Variants in CDH7 observed in about 807,000 individuals in gnomAD.
The protein encoded by CDH7 is cadherin 7, also known as cadherin-7.
CDH7 carries 25 observed loss-of-function variants against 71.8 expected under a neutral mutation model. That is an observed-to-expected ratio of 0.35 (90% CI 0.25 to 0.49). CDH7 has a LOEUF of 0.49. Ranked by LOEUF, CDH7 falls within the 20% of genes least tolerant of loss-of-function variation. The probability of loss-of-function intolerance (pLI) is 0.99; values close to 1 mark genes in which losing one functional copy is unlikely to be tolerated. For synonymous variants in CDH7, 381 were observed against 363.8 expected (o/e 1.05, Z -0.54); for missense variants, 862 against 974.6 (o/e 0.88, Z 1.54).
Position 65,764,587 on chromosome 18 carries a change from A to G in CDH7, c.210+1535A>G, listed in dbSNP as rs148236729. 2.9e-3 allele frequency among the ~76,000 whole-genome samples: 438 copies of G among 152,140 alleles called. 2 individuals are homozygous for G. The highest frequency in any genetic ancestry group is 4.5e-3 in the Non-Finnish European group (307 of 67,912). On this transcript the variant is annotated intron_variant, in intron 2 of 11. Coordinates refer to ENST00000397968, the MANE Select transcript of CDH7 (RefSeq NM_004361.5). ...GATTAGGAAACTAGCTCTTAATTTC[A>G]TTCATTTTTAATGGACATTTAACAA...
chr18:65,751,416 T>C (rs1915872321), intron 1 of CDH7, among the ~76,000 whole-genome samples: 1 of 151,950 alleles, frequency 6.6e-6, no homozygotes, highest in Non-Finnish European at 1.5e-5. Flanking sequence ...GGAGTAGTAG[T>C]TGAGGGTAAG....
At position 65,781,942 on chromosome 18, in the gene CDH7, C is replaced by CTT. The variant is rs1158753987; in HGVS notation, c.210+18891_210+18892insTT. On this transcript the variant is annotated intron_variant, in intron 2 of 11. Transcript: ENST00000397968. ...TCTCTTTCTCTCTCTCTCTCTCTCT[C>CTT]TCTTTCTCTCTTTCTCTCTTTCTCT... Among the ~76,000 whole-genome samples, 30 of 96,112 alleles carry CTT rather than the reference C, an allele frequency of 3.1e-4. 4 individuals carry two copies. Among genetic ancestry groups the CTT allele is most frequent in the African/African-American group, 2.0e-3 (29 of 14,638 alleles). The allele number at this position is 96,112 out of a possible 152,430, so 63.1% of individuals were successfully genotyped here.
rs1378021507 is a variant in CDH7, at chr18:65,889,317, A to G, written c.*8423A>G. 1.3e-5 allele frequency: 2 copies of G among 152,246 alleles called. No homozygotes were observed. The allele number at this position is 152,246 out of a possible 1,614,324, so 9.4% of individuals were successfully genotyped here. The stretch of plus-strand genomic sequence containing the variant: ...TAAATCTTATGAAGCTAAACTGTCA[A>G]CAAACAGTTCCACTGAAGTTGCCAT... On this transcript the variant is annotated 3_prime_UTR_variant, in exon 12 of 12. Coordinates refer to ENST00000397968, the MANE Select transcript of CDH7 (RefSeq NM_004361.5).
upstream of CDH7, chr18:65,750,768 G>T (rs1036602126): frequency 8.5e-5 from 13 of 152,728 alleles, no homozygotes; most frequent in African/African-American, 2.9e-4. Context: ...CCCCGGCTCC[G>T]GCGCGCTCTC....
intron 2 of CDH7, among the ~76,000 whole-genome samples, chr18:65,785,561 A>G (rs1392790695): frequency 6.6e-6 from 1 of 151,994 alleles, no homozygotes; most frequent in Non-Finnish European, 1.5e-5. Context: ...TGCAGTAGAT[A>G]TTACTTATAT....
intron 2 of CDH7, among the ~76,000 whole-genome samples, chr18:65,788,524 G>T (rs1344821989): frequency 6.6e-6 from 1 of 152,232 alleles, no homozygotes; most frequent in South Asian, 2.1e-4. Flanking sequence ...TGTGTAGCGC[G>T]AGCAGGTATG....
Position 65,862,654 on chromosome 18 carries a change from T to C in CDH7, c.1613-12T>C. On this transcript the variant is annotated splice_polypyrimidine_tract_variant and intron_variant, in intron 10 of 11. Coordinates refer to ENST00000397968, the MANE Select transcript of CDH7 (RefSeq NM_004361.5). Reference sequence around the variant, plus strand: ...GAAATCTGGTGTTATACATTTGCTTTCGTTATCCTAGACAACACAGCCTCA... The same window carrying C: ...GAAATCTGGTGTTATACATTTGCTTCCGTTATCCTAGACAACACAGCCTCA... 6.2e-7 allele frequency: 1 copy of C among 1,611,716 alleles called. No individual in the cohort carries two copies. The highest frequency in any genetic ancestry group is 8.5e-7 in the Non-Finnish European group (1 of 1,178,216).
At chr18:65,781,038 A>G (rs939259682) in intron 2 of CDH7, among the ~76,000 whole-genome samples, 6 of 151,688 alleles carry the variant, frequency 4.0e-5, no homozygotes, top group Non-Finnish European at 4.4e-5. Context: ...TTCTTCATCA[A>G]TACTCTTCGG....
intron 2 of CDH7, among the ~76,000 whole-genome samples, chr18:65,765,225 T>C (rs1299281542): frequency 6.6e-6 from 1 of 152,030 alleles, no homozygotes. Context: ...TAATTTGAGA[T>C]GGAAGGAGAA....
intron 3 of CDH7, among the ~76,000 whole-genome samples, chr18:65,814,183 T>C (rs1465030549): frequency 1.3e-5 from 2 of 152,100 alleles, no homozygotes; most frequent in African/African-American, 4.8e-5. Flanking sequence ...ATGAGACACC[T>C]AAAGTTTCAG....
Position 65,880,853 on chromosome 18 carries a change from G to A in CDH7, c.2317G>A (p.Ala773Thr). The change falls in exon 12 of 12, where the codon GCG becomes ACG. Residue 773 changes from alanine to threonine, a missense_variant. By Grantham distance (58) the Ala-to-Thr change is moderately conservative. Coordinates refer to ENST00000397968, the MANE Select transcript of CDH7 (RefSeq NM_004361.5). The stretch of plus-strand genomic sequence containing the variant: ...CTGGGGACCTCGCTTTAAACGACTC[G>A]CGGACATGTATGGGACTGGCCAAGA... Reference protein sequence around the residue: ...SDWGPRFKRLADMYGTGQESL... With the variant: ...SDWGPRFKRLTDMYGTGQESL... 5 of 1,613,922 alleles carry A rather than the reference G, an allele frequency of 3.1e-6. No homozygotes were observed. Among genetic ancestry groups the A allele is most frequent in the Non-Finnish European group, 4.2e-6 (5 of 1,179,976 alleles).
At chr18:65,795,973 A>G (rs569482646) in intron 2 of CDH7, among the ~76,000 whole-genome samples, 2 of 152,090 alleles carry the variant, frequency 1.3e-5, no homozygotes, top group Non-Finnish European at 2.9e-5. Context: ...ACCTTCCACC[A>G]TGATCGTAAG....
At chr18:65,808,570 G>T (rs17075226) in intron 2 of CDH7, among the ~76,000 whole-genome samples, 4 of 152,278 alleles carry the variant, frequency 2.6e-5, no homozygotes, top group Non-Finnish European at 4.4e-5. Flanking sequence ...AAACATGGCC[G>T]TTACAGTGCA....
At chr18:65,875,975 A>G (rs1914061765) in intron 11 of CDH7, among the ~76,000 whole-genome samples, 1 of 152,218 alleles carries the variant, frequency 6.6e-6, no homozygotes. Flanking sequence ...AAAAGAGTGT[A>G]AAGAATTACA....
chr18:65,843,963 C>G lies in CDH7; in HGVS notation c.1133C>G (p.Ser378Cys). ...VEDVDEPPVF[S>C]SPLYPMEVSE... Reference sequence around the variant, plus strand: ...GATGTAGATGAGCCCCCTGTGTTCTCTTCACCCTTGTACCCTATGGAGGTG... The same window carrying G: ...GATGTAGATGAGCCCCCTGTGTTCTGTTCACCCTTGTACCCTATGGAGGTG... Residue 378 changes from serine (S) to cysteine (C), a missense_variant, in exon 7 of 12, where the codon TCT (serine) becomes TGT (cysteine). Ser to Cys is a moderately radical substitution (Grantham distance 112). Transcript: ENST00000397968. 2 of 1,612,428 alleles carry G rather than the reference C, an allele frequency of 1.2e-6. No homozygotes were observed. Among genetic ancestry groups the G allele is most frequent in the Non-Finnish European group, 1.7e-6 (2 of 1,179,086 alleles).
chr18:65,810,746 A>C (rs79655663), intron 3 of CDH7, among the ~76,000 whole-genome samples: 2,469 of 152,206 alleles, frequency 0.016, 53 homozygotes, highest in African/African-American at 0.055. Context: ...TTGTTCCCTG[A>C]CATGTGTCCA....
At chr18:65,808,393 C>T (rs1378631643) in intron 2 of CDH7, among the ~76,000 whole-genome samples, 1 of 151,960 alleles carries the variant, frequency 6.6e-6, no homozygotes, top group Admixed American at 6.6e-5. Context: ...AGTTGAAGAA[C>T]ACACCTTTTC....
chr18:65,829,213 G>A (rs1912243890), intron 6 of CDH7, among the ~76,000 whole-genome samples: 2 of 151,882 alleles, frequency 1.3e-5, no homozygotes, highest in East Asian at 1.9e-4. Context: ...TCCGCCTCCC[G>A]GGTTCACGCC....
chr18:65,861,253 A>G (rs1213939046), intron 10 of CDH7, among the ~76,000 whole-genome samples: 1 of 152,038 alleles, frequency 6.6e-6, no homozygotes, highest in Non-Finnish European at 1.5e-5. Flanking sequence ...AGTCTTCCAT[A>G]TGATCACTTT....
Sources: allele counts gnomAD v4.1 joint callset (sites outside exome capture counted in the v4.1 genomes callset), GRCh38; gene constraint gnomAD v4.1.1; transcripts MANE v1.5; gene names NCBI Gene and HGNC (gene_info 2026-07-23, HGNC 2026-07-21).